Variants in NPAS3 observed in about 807,000 individuals in gnomAD.
The protein encoded by NPAS3 is neuronal PAS domain-containing protein 3.
In NPAS3, 14 loss-of-function variants were observed where a neutral mutation model predicts 73.1. The observed-to-expected ratio is 0.19, with a 90% CI of 0.13 to 0.30. The LOEUF is 0.30. NPAS3 is among the 10% of genes least tolerant of loss of function. The probability of loss-of-function intolerance (pLI) is 1.00; values close to 1 mark genes in which losing one functional copy is unlikely to be tolerated. For missense variants in NPAS3, 1,096 were observed against 1,250.0 expected, an observed-to-expected ratio of 0.88 and a Z score of 1.86; for synonymous variants, 620 against 541.5, an observed-to-expected ratio of 1.14 and a Z score of -2.01.
At chr14:33,776,974 G>C (rs886435443) in intron 8 of NPAS3, among the ~76,000 whole-genome samples, 2 of 152,186 alleles carry the variant, frequency 1.3e-5, no homozygotes, top group African/African-American at 4.8e-5. Context: ...CTAAAGAAAT[G>C]CCTTCCCTAA....
At chr14:33,581,318 A>G (rs1330449097) in intron 5 of NPAS3, among the ~76,000 whole-genome samples, 1 of 152,206 alleles carries the variant, frequency 6.6e-6, no homozygotes, top group Non-Finnish European at 1.5e-5. Flanking sequence ...TCATATGGGC[A>G]GTAATTAATT....
chr14:33,410,131 G>T (rs1046078089), intron 4 of NPAS3, among the ~76,000 whole-genome samples: 2 of 152,004 alleles, frequency 1.3e-5, no homozygotes, highest in African/African-American at 4.8e-5. Flanking sequence ...ATGAAGCTGC[G>T]TAGGTCCAAG....
chr14:33,029,713 C>T (rs1239411545), intron 1 of NPAS3, among the ~76,000 whole-genome samples: 1 of 152,156 alleles, frequency 6.6e-6, no homozygotes, highest in Non-Finnish European at 1.5e-5. Flanking sequence ...GCAATTAAGA[C>T]AGCCCATTCC....
At chr14:33,310,825 A>ACACACG (rs2042973223) in intron 3 of NPAS3, among the ~76,000 whole-genome samples, 1 of 148,846 alleles carries the variant, frequency 6.7e-6, no homozygotes, top group Non-Finnish European at 1.5e-5. Context: ...ACACACACAC[A>ACACACG]CACACACACA....
chr14:33,008,930 AT>A (rs1377688525), intron 1 of NPAS3, among the ~76,000 whole-genome samples: 1 of 152,134 alleles, frequency 6.6e-6, no homozygotes, highest in Non-Finnish European at 1.5e-5. Flanking sequence ...AGGGAAGCTT[AT>A]TTTGCAACAT....
At chr14:33,303,852 G>A (rs1298712451) in intron 3 of NPAS3, among the ~76,000 whole-genome samples, 4 of 152,228 alleles carry the variant, frequency 2.6e-5, no homozygotes, top group African/African-American at 4.8e-5. Flanking sequence ...GATTGTTGGT[G>A]GGAGATGATG....
At chr14:33,272,019 T>C (rs1001507174) in intron 3 of NPAS3, among the ~76,000 whole-genome samples, 5 of 152,184 alleles carry the variant, frequency 3.3e-5, no homozygotes, top group Non-Finnish European at 7.3e-5. Context: ...TCAACAACAA[T>C]GAATAAGCTG....
chr14:33,080,742 T>A (rs369934114), intron 2 of NPAS3, among the ~76,000 whole-genome samples: 1 of 152,160 alleles, frequency 6.6e-6, no homozygotes, highest in East Asian at 1.9e-4. Context: ...CATTGTTGCG[T>A]GAAGTGTGAG....
chr14:32,958,972 G>C (rs563091971), intron 1 of NPAS3, among the ~76,000 whole-genome samples: 60 of 148,480 alleles, frequency 4.0e-4, no homozygotes, highest in African/African-American at 1.5e-3. Flanking sequence ...AAGAAGAATT[G>C]TCTTGGGCCA....
intron 2 of NPAS3, among the ~76,000 whole-genome samples, chr14:33,072,683 G>A (rs1028368963): frequency 1.3e-5 from 2 of 152,190 alleles, no homozygotes; most frequent in Non-Finnish European, 2.9e-5. Flanking sequence ...GTTTAGAAGC[G>A]AAATAGCAGG....
chr14:33,432,217 A>G (rs1048605005), intron 4 of NPAS3, among the ~76,000 whole-genome samples: 6 of 152,172 alleles, frequency 3.9e-5, no homozygotes, highest in Non-Finnish European at 8.8e-5. Flanking sequence ...GAGTTTGTAC[A>G]GTCATTGCTT....
intron 9 of NPAS3, among the ~76,000 whole-genome samples, chr14:33,786,754 C>T (rs1230956427): frequency 6.6e-6 from 1 of 152,218 alleles, no homozygotes; most frequent in Non-Finnish European, 1.5e-5. Flanking sequence ...TTTTCAACAA[C>T]CTCTCACAGT....
chr14:33,733,267 G>A, intron 6 of NPAS3, among the ~76,000 whole-genome samples: 1 of 151,356 alleles, frequency 6.6e-6, no homozygotes, highest in Non-Finnish European at 1.5e-5. Context: ...GAAAAAAACT[G>A]CTATAAATTA....
At chr14:33,357,823 C>T (rs143098015) in intron 3 of NPAS3, among the ~76,000 whole-genome samples, 107 of 152,220 alleles carry the variant, frequency 7.0e-4, no homozygotes, top group African/African-American at 2.2e-3. Flanking sequence ...TAAATCAGGG[C>T]GGGACATGTC....
chr14:33,071,662 A>G (rs2041489524), intron 2 of NPAS3, among the ~76,000 whole-genome samples: 1 of 152,184 alleles, frequency 6.6e-6, no homozygotes, highest in Non-Finnish European at 1.5e-5. Context: ...ACGAACCACA[A>G]AAGTGACAAA....
At chr14:33,625,860 G>C (rs529158389) in intron 5 of NPAS3, among the ~76,000 whole-genome samples, 37 of 152,270 alleles carry the variant, frequency 2.4e-4, no homozygotes, top group Non-Finnish European at 4.4e-4. Context: ...CCATCAAAAA[G>C]TGAAAGGCTA....
Position 33,122,589 on chromosome 14 carries a change from C to A in NPAS3, c.140+66595C>A, listed in dbSNP as rs1279317. 1.6e-4 allele frequency among the ~76,000 whole-genome samples: 25 copies of A among 152,224 alleles called. No individual in the cohort carries two copies. In the East Asian group the frequency reaches 4.1e-3, roughly 25 times the overall value. ...GATGTTGAGCAAGTGTTTTAAGGAA[C>A]CTGTGATCCTTACAGTTCCCACCTT... On this transcript the variant is annotated intron_variant, in intron 2 of 11. Coordinates refer to ENST00000356141, the Ensembl canonical transcript of NPAS3.
At chr14:33,034,841 G>A (rs78568458) in intron 1 of NPAS3, among the ~76,000 whole-genome samples, 1,939 of 152,190 alleles carry the variant, frequency 0.013, 25 homozygotes, top group Non-Finnish European at 0.019. Flanking sequence ...GGAGGCCATA[G>A]GACCAATGAT....
chr14:33,239,275 A>G (rs1429705565), intron 3 of NPAS3, among the ~76,000 whole-genome samples: 1 of 151,880 alleles, frequency 6.6e-6, no homozygotes, highest in African/African-American at 2.4e-5. Flanking sequence ...GTGTACTTAT[A>G]GAAAACCACT....
Sources: gnomAD v4.1 joint callset for allele counts (sites outside exome capture counted in the v4.1 genomes callset) on GRCh38, gnomAD v4.1.1 for gene constraint, MANE v1.5 for transcripts, NCBI Gene and HGNC (gene_info 2026-07-23, HGNC 2026-07-21) for gene names.